The following RBPJ variants were observed in gnomAD, a reference collection of about 807,000 sequenced individuals.
RBPJ encodes the protein recombination signal binding protein for immunoglobulin kappa J region.
In RBPJ, 9 loss-of-function variants were observed where a neutral mutation model predicts 67.8. The ratio of observed to expected loss-of-function variants is 0.13; its 90% CI spans 0.08 to 0.23. The LOEUF (loss-of-function observed/expected upper bound fraction) is 0.23, where lower values mean the gene tolerates loss of function less well. Ranked by LOEUF, RBPJ falls within the 10% of genes least tolerant of loss-of-function variation. The pLI, the probability that RBPJ is intolerant of heterozygous loss-of-function variation, is 1.00. For missense variants in RBPJ, 305 were observed against 595.6 expected, an observed-to-expected ratio of 0.51 and a Z score of 5.08; for synonymous variants, 198 against 203.3, an observed-to-expected ratio of 0.97 and a Z score of 0.22.
intron 1 of RBPJ, among the ~76,000 whole-genome samples, chr4:26,276,563 C>CCT (rs1721094389): frequency 6.6e-6 from 1 of 152,146 alleles, no homozygotes. Flanking sequence ...TGGCCTTGGG[C>CCT]CTCAGGCTTG....
chr4:26,203,176 A>G (rs905811473), intron 1 of RBPJ, among the ~76,000 whole-genome samples: 1 of 152,224 alleles, frequency 6.6e-6, no homozygotes, highest in African/African-American at 2.4e-5. Flanking sequence ...TAGTAGCCAG[A>G]ATGATCATTT....
chr4:26,218,245 A>G (rs895392838), intron 1 of RBPJ, among the ~76,000 whole-genome samples: 2 of 152,014 alleles, frequency 1.3e-5, no homozygotes, highest in African/African-American at 4.8e-5. Flanking sequence ...GCAAACACAG[A>G]CTCTCTGTTG....
intron 1 of RBPJ, among the ~76,000 whole-genome samples, chr4:26,347,491 T>A (rs144258038): frequency 1.3e-3 from 192 of 152,298 alleles, no homozygotes; most frequent in African/African-American, 4.5e-3. Flanking sequence ...GGTACACTGG[T>A]CAGTGGTGTC....
intron 1 of RBPJ, among the ~76,000 whole-genome samples, chr4:26,185,275 C>T (rs561766298): frequency 6.6e-6 from 1 of 151,892 alleles, no homozygotes; most frequent in East Asian, 1.9e-4. Context: ...GTATTTCTCA[C>T]CCTCTAAGTT....
chr4:26,420,021 C>G (rs1042948059), intron 4 of RBPJ, among the ~76,000 whole-genome samples: 5 of 152,038 alleles, frequency 3.3e-5, no homozygotes, highest in Admixed American at 6.6e-5. Flanking sequence ...TTATAATCAT[C>G]CAGTTTGTCT....
At chr4:26,415,057 G>A (rs1041114271) in intron 3 of RBPJ, among the ~76,000 whole-genome samples, 1 of 152,118 alleles carries the variant, frequency 6.6e-6, no homozygotes, top group Non-Finnish European at 1.5e-5. Flanking sequence ...ATCCATAATA[G>A]TAATGTCACT....
At chr4:26,206,751 C>CAA (rs34568281) in intron 1 of RBPJ, among the ~76,000 whole-genome samples, 11 of 130,932 alleles carry the variant, frequency 8.4e-5, no homozygotes, top group African/African-American at 2.5e-4. Context: ...TTCATACCCT[C>CAA]AAAAAAAAAA....
At chr4:26,237,179 C>T (rs1333015390) in intron 1 of RBPJ, among the ~76,000 whole-genome samples, 6 of 152,236 alleles carry the variant, frequency 3.9e-5, no homozygotes, top group South Asian at 4.1e-4. Flanking sequence ...TACCTGATCA[C>T]GAAGTCAGGA....
At chr4:26,230,189 TA>T (rs76427821) in intron 1 of RBPJ, among the ~76,000 whole-genome samples, 3,578 of 137,988 alleles carry the variant, frequency 0.026, 45 homozygotes, top group South Asian at 0.075. Flanking sequence ...GACCCTATCT[TA>T]AAAAAAAAAA....
intron 3 of RBPJ, among the ~76,000 whole-genome samples, chr4:26,408,732 TG>T (rs1733726440): frequency 6.6e-6 from 1 of 152,216 alleles, no homozygotes; most frequent in Admixed American, 6.5e-5. Context: ...AGACTTTAAA[TG>T]TGTCCAGGTT....
At chr4:26,219,869 G>A (rs541710664) in intron 1 of RBPJ, among the ~76,000 whole-genome samples, 8 of 151,954 alleles carry the variant, frequency 5.3e-5, no homozygotes, top group Non-Finnish European at 8.8e-5. Flanking sequence ...TCCACCTGCC[G>A]GGTTCATGCC....
intron 1 of RBPJ, chr4:26,362,408 C>A: frequency 7.7e-7 from 1 of 1,307,118 alleles, no homozygotes; most frequent in South Asian, 1.8e-5. Flanking sequence ...TTTAACATAC[C>A]AACACTTAAG....
chr4:26,187,078 T>C (rs1717292507), intron 1 of RBPJ, among the ~76,000 whole-genome samples: 1 of 151,932 alleles, frequency 6.6e-6, no homozygotes, highest in Non-Finnish European at 1.5e-5. Context: ...AAAAATTAGC[T>C]GGGTGTGGTG....
intron 1 of RBPJ, among the ~76,000 whole-genome samples, chr4:26,343,739 CTTTTTTT>C (rs71186404): frequency 1.9e-3 from 108 of 55,820 alleles, no homozygotes; most frequent in African/African-American, 6.7e-3. Context: ...TTTCTTTCTT[CTTTTTTT>C]TTTTTTTTTT....
chr4:26,230,614 C>T (rs1719244943), intron 1 of RBPJ, among the ~76,000 whole-genome samples: 1 of 152,224 alleles, frequency 6.6e-6, no homozygotes. Context: ...TAACCACCAG[C>T]CTCTACTGCC....
At chr4:26,132,207 G>T in the RBPJ span, among the ~76,000 whole-genome samples, 1 of 151,802 alleles carries the variant, frequency 6.6e-6, no homozygotes, top group East Asian at 1.9e-4. Context: ...TATTTTTTTA[G>T]GTCACCATCC....
chr4:26,132,134 CA>C, the RBPJ span, among the ~76,000 whole-genome samples: 96 of 141,778 alleles, frequency 6.8e-4, no homozygotes, highest in African/African-American at 7.2e-4. Context: ...GGGTGGCTGC[CA>C]AAAAAAAAAA....
At chr4:26,295,245 A>T (rs1721826005) in intron 1 of RBPJ, among the ~76,000 whole-genome samples, 2 of 147,026 alleles carry the variant, frequency 1.4e-5, no homozygotes, top group African/African-American at 5.0e-5. Context: ...AGGGTGCATC[A>T]GTGTGTGTGT....
At chr4:26,244,534 C>T (rs949438542) in intron 1 of RBPJ, among the ~76,000 whole-genome samples, 1 of 131,980 alleles carries the variant, frequency 7.6e-6, no homozygotes, top group Non-Finnish European at 1.6e-5. Context: ...TGCATATATA[C>T]TGCTAAATGT....
Sources: gnomAD v4.1 joint callset for allele counts (sites outside exome capture counted in the v4.1 genomes callset) on GRCh38, gnomAD v4.1.1 for gene constraint, MANE v1.5 for transcripts, NCBI Gene and HGNC (gene_info 2026-07-23, HGNC 2026-07-21) for gene names.